The following SOCS5 variants were observed in gnomAD, a reference collection of about 807,000 sequenced individuals.
SOCS5 encodes the protein CIS-6.
A neutral mutation model predicts 42.8 loss-of-function variants in SOCS5; 32 were observed. That is an observed-to-expected ratio of 0.75 (90% confidence interval 0.56 to 1.01). The LOEUF (loss-of-function observed/expected upper bound fraction) is 1.01, where lower values mean the gene tolerates loss of function less well. Among genes scored for constraint, SOCS5 ranks in the 50% least tolerant of loss-of-function variants. The pLI is 0.00. For synonymous variants in SOCS5, 283 were observed against 229.6 expected (o/e 1.23, Z -2.10); for missense variants, 627 against 653.0 (o/e 0.96, Z 0.43).
Position 46,726,645 on chromosome 2 carries a change from A to G in SOCS5, c.-13+27196A>G, listed in dbSNP as rs138539912. On this transcript the variant is annotated intron_variant, in intron 1 of 1. Transcript: ENST00000394861. ...CAGACTAGATCATTTCTACCAGTCT[A>G]TCTTCAAGTTCACTGACTTTCCTAT... Among the ~76,000 whole-genome samples, 551 of 152,204 alleles carry G rather than the reference A, an allele frequency of 3.6e-3. 1 individual carries two copies. The highest frequency in any genetic ancestry group is 0.012 in the African/African-American group (501 of 41,508).
At chr2:46,746,478 C>T (rs192285452) in intron 1 of SOCS5, among the ~76,000 whole-genome samples, 2 of 152,046 alleles carry the variant, frequency 1.3e-5, no homozygotes, top group Admixed American at 6.5e-5. Context: ...GGTGAAAACC[C>T]GTCTCTAGTA....
intron 1 of SOCS5, among the ~76,000 whole-genome samples, chr2:46,742,418 A>AAT (rs963157145): frequency 2.1e-5 from 3 of 143,246 alleles, no homozygotes; most frequent in African/African-American, 7.8e-5. Context: ...TTTCTTATAA[A>AAT]ATATATATAT....
intron 1 of SOCS5, among the ~76,000 whole-genome samples, chr2:46,704,475 G>A (rs1283528832): frequency 6.6e-6 from 1 of 152,182 alleles, no homozygotes; most frequent in Admixed American, 6.5e-5. Context: ...GATGAGAATC[G>A]GAGGCTGGGT....
At chr2:46,711,301 TATC>T (rs1171250084) in intron 1 of SOCS5, among the ~76,000 whole-genome samples, 1 of 152,230 alleles carries the variant, frequency 6.6e-6, no homozygotes, top group Non-Finnish European at 1.5e-5. Context: ...TGTTTCTTAT[TATC>T]ATCAATATTT....
At chr2:46,702,806 G>A (rs1275604873) in intron 1 of SOCS5, among the ~76,000 whole-genome samples, 4 of 152,226 alleles carry the variant, frequency 2.6e-5, no homozygotes, top group African/African-American at 9.6e-5. Flanking sequence ...GACGGTGACA[G>A]TTTGAGTTAT....
At chr2:46,725,949 A>C (rs1265233857) in intron 1 of SOCS5, among the ~76,000 whole-genome samples, 1 of 152,078 alleles carries the variant, frequency 6.6e-6, no homozygotes, top group African/African-American at 2.4e-5. Context: ...TCTGGTTAGA[A>C]ATTTATAGGC....
At chr2:46,737,384 T>A (rs1355999249) in intron 1 of SOCS5, among the ~76,000 whole-genome samples, 1 of 152,232 alleles carries the variant, frequency 6.6e-6, no homozygotes, top group Non-Finnish European at 1.5e-5. Flanking sequence ...AAAATTCTTC[T>A]GGTATTGAAG....
At chr2:46,748,564 T>C (rs1673559287) in intron 1 of SOCS5, among the ~76,000 whole-genome samples, 1 of 152,186 alleles carries the variant, frequency 6.6e-6, no homozygotes, top group East Asian at 1.9e-4. Flanking sequence ...GTTTCTTTCT[T>C]TGTTTCTTTC....
intron 1 of SOCS5, among the ~76,000 whole-genome samples, chr2:46,710,565 C>T (rs1672595997): frequency 1.3e-5 from 2 of 151,680 alleles, no homozygotes; most frequent in Non-Finnish European, 2.9e-5. Flanking sequence ...TTTAAATGTC[C>T]ACTTGTGAAA....
intron 1 of SOCS5, among the ~76,000 whole-genome samples, chr2:46,724,487 GT>G (rs1332115302): frequency 6.6e-6 from 1 of 151,752 alleles, no homozygotes; most frequent in African/African-American, 2.4e-5. Context: ...GATTTGATAA[GT>G]TTCTTTTTTG....
chr2:46,719,670 T>C (rs1672836844), intron 1 of SOCS5, among the ~76,000 whole-genome samples: 1 of 152,216 alleles, frequency 6.6e-6, no homozygotes. Context: ...GAACTCACTG[T>C]AGTGACTCAG....
chr2:46,721,120 A>C (rs1377445647), intron 1 of SOCS5, among the ~76,000 whole-genome samples: 2 of 152,136 alleles, frequency 1.3e-5, no homozygotes, highest in Non-Finnish European at 2.9e-5. Flanking sequence ...GGCAGAGCTG[A>C]GACTCCTTTG....
intron 1 of SOCS5, among the ~76,000 whole-genome samples, chr2:46,733,049 G>A (rs1673159947): frequency 6.6e-6 from 1 of 151,376 alleles, no homozygotes; most frequent in African/African-American, 2.4e-5. Flanking sequence ...TGGGTCAAAG[G>A]CCTGTTTACA....
upstream of SOCS5, chr2:46,699,001 G>C (rs1202808733): frequency 6.6e-6 from 1 of 152,390 alleles, no homozygotes; most frequent in African/African-American, 2.4e-5. The surrounding 1 kb of genome is among the most constrained non-coding windows in gnomAD (Gnocchi z 4.8). Flanking sequence ...CCCGACTCCC[G>C]GGCCGCCCCC....
rs1314799724 is a variant in SOCS5, at chr2:46,760,412, G to C, written c.*271G>C. The C allele has an allele frequency of 1.1e-5, 4 of 358,392 alleles. No homozygotes were observed. The highest frequency in any genetic ancestry group is 1.1e-5 in the Non-Finnish European group (2 of 189,884). 22.2% of individuals were successfully genotyped at this position (358,392 alleles called of 1,614,324 possible). A position where few individuals can be genotyped will look rare whatever the true frequency, so the allele number is the denominator to read the frequency against. On this transcript the variant is annotated 3_prime_UTR_variant, in exon 2 of 2. Transcript: ENST00000394861. ...TTGGTTTTTAATGGCTGTGGTATTT[G>C]AGTGAGGCAACTCTGGGGCATTTGT...
chr2:46,757,170 G>A (rs1044581224), intron 1 of SOCS5, among the ~76,000 whole-genome samples: 2 of 152,166 alleles, frequency 1.3e-5, no homozygotes, highest in African/African-American at 4.8e-5. Context: ...TTCTAAGAAA[G>A]TTTATTCTCT....
At chr2:46,743,649 A>G (rs1249767635) in intron 1 of SOCS5, among the ~76,000 whole-genome samples, 2 of 152,206 alleles carry the variant, frequency 1.3e-5, no homozygotes, top group African/African-American at 4.8e-5. Context: ...AATACAGCCC[A>G]GTAGGTCTCA....
intron 1 of SOCS5, among the ~76,000 whole-genome samples, chr2:46,748,091 T>A (rs1343046912): frequency 6.6e-6 from 1 of 152,158 alleles, no homozygotes; most frequent in East Asian, 1.9e-4. Context: ...TGATTAAAAG[T>A]TATCCTTATT....
intron 1 of SOCS5, among the ~76,000 whole-genome samples, chr2:46,708,955 C>T (rs1357122382): frequency 2.8e-5 from 4 of 140,564 alleles, no homozygotes; most frequent in Admixed American, 7.8e-5. Flanking sequence ...GGTGCCATCT[C>T]GGCTCACTGC....
Sources: allele counts gnomAD v4.1 joint callset (sites outside exome capture counted in the v4.1 genomes callset), GRCh38; gene constraint gnomAD v4.1.1; non-coding constraint Gnocchi (gnomAD v3.1); transcripts MANE v1.5; gene names NCBI Gene and HGNC (gene_info 2026-07-23, HGNC 2026-07-21).